PLD5: variants seen among roughly 807,000 people sequenced by gnomAD.
The protein encoded by PLD5 is inactive phospholipase D5.
PLD5 carries 36 observed loss-of-function variants against 61.1 expected under a neutral mutation model. That is an observed-to-expected ratio of 0.59 (90% CI 0.45 to 0.78). The LOEUF (loss-of-function observed/expected upper bound fraction) is 0.78. Among genes scored for constraint, PLD5 ranks in the 30% least tolerant of loss-of-function variants. PLD5 has a pLI of 0.00. For missense variants in PLD5, 515 were observed against 644.4 expected (o/e 0.80, Z 2.17); for synonymous variants, 243 against 242.8 (o/e 1.00, Z -0.01).
chr1:242,523,852 G>A (rs1195899756), intron 1 of PLD5, among the ~76,000 whole-genome samples: 2 of 152,214 alleles, frequency 1.3e-5, no homozygotes, highest in South Asian at 2.1e-4. Context: ...AGGTGGGCAG[G>A]TCGGGTCGGC....
intron 1 of PLD5, among the ~76,000 whole-genome samples, chr1:242,491,528 C>G (rs1269622880): frequency 2.0e-5 from 3 of 151,996 alleles, no homozygotes; most frequent in Non-Finnish European, 4.4e-5. Context: ...AGTAGAAAAA[C>G]AAAAAATAGT....
chr1:242,139,467 G>T (rs763666231), intron 5 of PLD5, among the ~76,000 whole-genome samples: 2 of 151,740 alleles, frequency 1.3e-5, no homozygotes. Flanking sequence ...TGTAGCTCTC[G>T]AACTGCTTCC....
At chr1:242,114,454 T>C (rs1661785487) in intron 6 of PLD5, among the ~76,000 whole-genome samples, 1 of 152,238 alleles carries the variant, frequency 6.6e-6, no homozygotes, top group Non-Finnish European at 1.5e-5. Flanking sequence ...TATTTGAAAC[T>C]ATCTAATATA....
intron 2 of PLD5, among the ~76,000 whole-genome samples, chr1:242,345,348 G>A (rs1660070537): frequency 1.3e-5 from 2 of 152,204 alleles, no homozygotes; most frequent in South Asian, 4.1e-4. Flanking sequence ...GTCCGTGGTT[G>A]TTAACTGCGT....
chr1:242,325,242 T>G (rs904882230), intron 2 of PLD5, among the ~76,000 whole-genome samples: 15 of 151,882 alleles, frequency 9.9e-5, no homozygotes, highest in Non-Finnish European at 1.8e-4. Context: ...TTTTCCAATC[T>G]TACTACATTC....
chr1:242,260,263 C>T (rs2149096235), intron 4 of PLD5, among the ~76,000 whole-genome samples: 1 of 151,892 alleles, frequency 6.6e-6, no homozygotes, highest in South Asian at 2.1e-4. Context: ...AGAAGAATCA[C>T]TTGAATCCGG....
chr1:242,123,610 C>T (rs1213855324), intron 6 of PLD5, among the ~76,000 whole-genome samples: 2 of 152,190 alleles, frequency 1.3e-5, no homozygotes, highest in Non-Finnish European at 2.9e-5. Flanking sequence ...ACAGCAGTAC[C>T]CGGCAAAAGC....
At chr1:242,128,938 A>G (rs1057483553) in intron 5 of PLD5, among the ~76,000 whole-genome samples, 1 of 152,162 alleles carries the variant, frequency 6.6e-6, no homozygotes, top group African/African-American at 2.4e-5. Context: ...GCATTAGCTA[A>G]TGGAAAATTG....
chr1:242,442,129 G>C (rs1056690250), intron 1 of PLD5, among the ~76,000 whole-genome samples: 3 of 152,122 alleles, frequency 2.0e-5, no homozygotes, highest in Non-Finnish European at 2.9e-5. Context: ...GCATGGACTC[G>C]GTTGCCCAGT....
At chr1:242,298,514 T>C (rs1226688208) in intron 2 of PLD5, among the ~76,000 whole-genome samples, 1 of 152,210 alleles carries the variant, frequency 6.6e-6, no homozygotes, top group Non-Finnish European at 1.5e-5. Context: ...GGTTTTTGTC[T>C]GAGCTTGTGT....
At chr1:242,378,182 A>C (rs12080229) in intron 1 of PLD5, among the ~76,000 whole-genome samples, 3,572 of 152,340 alleles carry the variant, frequency 0.023, 133 homozygotes, top group African/African-American at 0.082. Context: ...ATTCTGCCTT[A>C]AAAGAGAAGG....
intron 1 of PLD5, among the ~76,000 whole-genome samples, chr1:242,421,202 A>G (rs1665125622): frequency 6.9e-6 from 1 of 145,600 alleles, no homozygotes; most frequent in African/African-American, 2.5e-5. Flanking sequence ...AAAAAAAAGG[A>G]TGGTTTCAGT....
intron 1 of PLD5, among the ~76,000 whole-genome samples, chr1:242,513,724 T>C (rs2654896): frequency 0.4 from 61,385 of 151,872 alleles, 13,288 homozygotes; most frequent in African/African-American, 0.56. Context: ...ATAACAATGG[T>C]GTGGGTCCAA....
intron 8 of PLD5, among the ~76,000 whole-genome samples, chr1:242,106,819 G>A (rs1661093063): frequency 6.6e-6 from 1 of 152,212 alleles, no homozygotes; most frequent in South Asian, 2.1e-4. Flanking sequence ...CATGGGGGTT[G>A]AGAAAAGCTG....
intron 1 of PLD5, among the ~76,000 whole-genome samples, chr1:242,369,485 G>T (rs1257989853): frequency 6.6e-6 from 1 of 152,088 alleles, no homozygotes; most frequent in East Asian, 1.9e-4. Flanking sequence ...AATCAATAGA[G>T]GATTCCTACA....
At chr1:242,371,984 T>C (rs12087447) in intron 1 of PLD5, among the ~76,000 whole-genome samples, 1,838 of 152,192 alleles carry the variant, frequency 0.012, 39 homozygotes, top group African/African-American at 0.042. Flanking sequence ...GTCATCTATA[T>C]TAAGTATTTC....
intron 5 of PLD5, among the ~76,000 whole-genome samples, chr1:242,219,305 G>T (rs1428819263): frequency 6.6e-6 from 1 of 152,108 alleles, no homozygotes; most frequent in Non-Finnish European, 1.5e-5. Flanking sequence ...TAATGGGCCG[G>T]GGAGGAGACA....
intron 5 of PLD5, among the ~76,000 whole-genome samples, chr1:242,137,069 G>A (rs959229554): frequency 6.6e-6 from 1 of 152,170 alleles, no homozygotes; most frequent in African/African-American, 2.4e-5. Context: ...AGCAGCAGGG[G>A]AAAACAGAAA....
intron 1 of PLD5, among the ~76,000 whole-genome samples, chr1:242,394,278 G>A (rs1663222293): frequency 2.2e-5 from 2 of 92,072 alleles, no homozygotes; most frequent in South Asian, 4.3e-4. Flanking sequence ...GTATATATAT[G>A]TGTATATATA....
Sources: allele counts gnomAD v4.1 joint callset (sites outside exome capture counted in the v4.1 genomes callset), GRCh38; gene constraint gnomAD v4.1.1; transcripts MANE v1.5; gene names NCBI Gene and HGNC (gene_info 2026-07-23, HGNC 2026-07-21).